Variants in DEFB121 observed in about 807,000 individuals in gnomAD.
DEFB121 encodes beta-defensin 121.
A neutral mutation model predicts 2.5 loss-of-function variants in DEFB121; 5 were observed. The observed-to-expected ratio is 1.96, with a 90% CI of 1.03 to 4.13. The LOEUF (loss-of-function observed/expected upper bound fraction) is 4.13, where lower values mean the gene tolerates loss of function less well. DEFB121 is among the 30% of genes most tolerant of loss of function. The pLI, the probability that DEFB121 is intolerant of heterozygous loss-of-function variation, is 0.00. For missense variants in DEFB121, 87 were observed against 85.0 expected (o/e 1.02, Z -0.09); for synonymous variants, 39 against 32.6 (o/e 1.20, Z -0.67).
chr20:31,418,397 C>T, the DEFB121 span, among the ~76,000 whole-genome samples: 2 of 151,890 alleles, frequency 1.3e-5, no homozygotes. Flanking sequence ...GAGAAGAACC[C>T]GAATGGCTTC....
upstream of DEFB121, among the ~76,000 whole-genome samples, chr20:31,410,333 G>A (rs1978622521): frequency 6.6e-6 from 1 of 152,038 alleles, no homozygotes; most frequent in African/African-American, 2.4e-5. Flanking sequence ...CATAAAGAGG[G>A]GAACCATAGA....
chr20:31,416,349 C>T (rs1428607886), upstream of DEFB121, among the ~76,000 whole-genome samples: 3 of 152,222 alleles, frequency 2.0e-5, no homozygotes, highest in African/African-American at 4.8e-5. Flanking sequence ...GCATAAGCCA[C>T]GGCGCCTGGC....
chr20:31,406,587 T>C (rs1484758678), upstream of DEFB121, among the ~76,000 whole-genome samples: 1 of 152,156 alleles, frequency 6.6e-6, no homozygotes, highest in East Asian at 1.9e-4. Context: ...ATGTTGATGA[T>C]TCATTATAAT....
upstream of DEFB121, among the ~76,000 whole-genome samples, chr20:31,410,676 G>A (rs1309115546): frequency 6.6e-6 from 1 of 152,138 alleles, no homozygotes; most frequent in African/African-American, 2.4e-5. Flanking sequence ...CCCGTGGACT[G>A]GAACCCATTT....
rs1204672430 is a variant in DEFB121, at chr20:31,406,180, G to A, written c.-28C>T. 6.2e-7 allele frequency: 1 copy of A among 1,613,708 alleles called. No homozygotes were observed. The highest frequency in any genetic ancestry group is 1.7e-5 in the Admixed American group (1 of 59,992). On this transcript the variant is annotated 5_prime_UTR_variant, in exon 1 of 2. Transcript: ENST00000376314. ...ATGATGAATGATCAGGGAGGGATAG[G>A]AGGCTTCTCAACTGGTAAAACAGAC...
At chr20:31,414,101 G>A (rs1310214500), upstream of DEFB121, among the ~76,000 whole-genome samples, 1 of 150,286 alleles carries the variant, frequency 6.7e-6, no homozygotes. Context: ...CAGCTACTCA[G>A]GAGGCTGAGG....
the DEFB121 span, among the ~76,000 whole-genome samples, chr20:31,418,386 A>G: frequency 1.3e-5 from 2 of 152,278 alleles, no homozygotes; most frequent in East Asian, 3.9e-4. Flanking sequence ...TCACAGACAA[A>G]GAGAAGAACC....
At chr20:31,411,154 T>C (rs552717161), upstream of DEFB121, among the ~76,000 whole-genome samples, 20 of 152,226 alleles carry the variant, frequency 1.3e-4, no homozygotes, top group Non-Finnish European at 1.9e-4. Flanking sequence ...ACCCTTTTCC[T>C]ATCTGTCACA....
At chr20:31,418,259 C>CAAAAAAAAAAAAA in the DEFB121 span, among the ~76,000 whole-genome samples, 55 of 82,960 alleles carry the variant, frequency 6.6e-4, 1 homozygote, top group East Asian at 2.4e-3. Context: ...GACTCCGTCT[C>CAAAAAAAAAAAAA]AAAAAAAAAA....
At chr20:31,414,066 C>T (rs1252228740), upstream of DEFB121, among the ~76,000 whole-genome samples, 1 of 152,016 alleles carries the variant, frequency 6.6e-6, no homozygotes, top group Admixed American at 6.6e-5. Context: ...AATTAACTGG[C>T]CGTGGTGGCA....
chr20:31,418,332 T>A, the DEFB121 span, among the ~76,000 whole-genome samples: 1 of 132,966 alleles, frequency 7.5e-6, no homozygotes, highest in East Asian at 2.8e-4. Flanking sequence ...AACGTCAAAA[T>A]CCTAGAGAGA....
chr20:31,406,110 C>T lies in DEFB121; in HGVS notation c.43G>A (p.Ala15Thr), dbSNP rs145474947. 2 of 1,613,958 alleles carry T rather than the reference C, an allele frequency of 1.2e-6. No individual in the cohort carries two copies. The highest frequency in any genetic ancestry group is 1.7e-6 in the Non-Finnish European group (2 of 1,179,982). The change falls in exon 1 of 2, where the codon GCC (alanine) becomes ACC (threonine). Residue 15 changes from alanine to threonine, a missense_variant. Physicochemically the swap from Ala to Thr is moderately conservative, Grantham distance 58. Transcript: ENST00000376314. ...TCCTGTTTACCTGGGGTGACCTGGG[C>T]CAGGAGCAGAGTAACAGTCAAAAGC... is the stretch of plus-strand genomic sequence containing the variant. ...LLLLTVTLLL[A>T]QVTPVMKCWG...
At chr20:31,411,529 G>GAAAAAAGAAAAGT (rs1157852093) in intron 1 of DEFB121, among the ~76,000 whole-genome samples, 2 of 141,500 alleles carry the variant, frequency 1.4e-5, no homozygotes, top group Non-Finnish European at 3.1e-5. Flanking sequence ...GCCTTTCAGT[G>GAAAAAAGAAAAGT]AAAAAAGAAA....
upstream of DEFB121, among the ~76,000 whole-genome samples, chr20:31,413,568 G>A (rs61573821): frequency 0.022 from 3,274 of 152,232 alleles, 117 homozygotes; most frequent in African/African-American, 0.075. Context: ...ATCTCAGTGT[G>A]GAACCCAAGC....
upstream of DEFB121, among the ~76,000 whole-genome samples, chr20:31,410,454 C>T (rs1157637210): frequency 6.6e-6 from 1 of 152,098 alleles, no homozygotes; most frequent in Non-Finnish European, 1.5e-5. Flanking sequence ...AGGAGTTAAA[C>T]ATCATAGGAG....
the DEFB121 span, among the ~76,000 whole-genome samples, chr20:31,418,408 G>A: frequency 6.6e-6 from 1 of 152,102 alleles, no homozygotes; most frequent in African/African-American, 2.4e-5. Flanking sequence ...GAATGGCTTC[G>A]GATTTCTCCA....
chr20:31,411,639 T>C (rs1978668483), intron 1 of DEFB121, among the ~76,000 whole-genome samples: 1 of 151,010 alleles, frequency 6.6e-6, no homozygotes, highest in Non-Finnish European at 1.5e-5. Context: ...GAACTACAAA[T>C]GAATCTGCAA....
rs1389775315 is a variant in DEFB121 at position 31,412,777 on chromosome 20, A to G, written n.62T>C. The G allele has an allele frequency of 2.3e-5, 20 of 882,466 alleles. No homozygotes were observed. In the Admixed American group the frequency reaches 4.8e-4, roughly 21 times the overall value. 54.7% of individuals were successfully genotyped at this position (882,466 alleles called of 1,614,324 possible). A position where few individuals can be genotyped will look rare whatever the true frequency, so the allele number is the denominator to read the frequency against. Reference sequence around the variant, plus strand: ...CTGCTCACCGTGATCTTCAAGTTTGAAAATTGCATCTCAAATCTAAGACCC... The same window carrying G: ...CTGCTCACCGTGATCTTCAAGTTTGGAAATTGCATCTCAAATCTAAGACCC... On this transcript the variant is annotated non_coding_transcript_exon_variant, in exon 1 of 2. Coordinates refer to the DEFB121 transcript ENST00000376312.
chr20:31,409,649 G>A (rs1034522514), upstream of DEFB121, among the ~76,000 whole-genome samples: 7 of 152,284 alleles, frequency 4.6e-5, no homozygotes, highest in South Asian at 1.4e-3. Flanking sequence ...GCTGAGGCAG[G>A]AGAATTGCTT....
Sources: gnomAD v4.1 joint callset for allele counts (sites outside exome capture counted in the v4.1 genomes callset) on GRCh38, gnomAD v4.1.1 for gene constraint, MANE v1.5 for transcripts, NCBI Gene and HGNC (gene_info 2026-07-23, HGNC 2026-07-21) for gene names.